The following GRIN2A variants were observed in gnomAD, a reference collection of about 807,000 sequenced individuals.
GRIN2A encodes the protein glutamate receptor ionotropic, NMDA 2A.
Under a neutral mutation model 113.4 loss-of-function variants are expected in GRIN2A, and 22 were observed. That is an observed-to-expected ratio of 0.19 (90% CI 0.14 to 0.28). The LOEUF (loss-of-function observed/expected upper bound fraction) is 0.28. GRIN2A is among the 10% of genes least tolerant of loss of function. GRIN2A has a pLI of 1.00. For synonymous variants in GRIN2A, 827 were observed against 738.4 expected (o/e 1.12, Z -1.94); for missense variants, 1,502 against 1,887.0 (o/e 0.80, Z 3.78).
chr16:10,092,845 G>C (rs1372715502), intron 2 of GRIN2A, among the ~76,000 whole-genome samples: 1 of 142,152 alleles, frequency 7.0e-6, no homozygotes, highest in African/African-American at 2.6e-5. Flanking sequence ...AAGGTAAAAG[G>C]CAGCATGAAA....
chr16:9,829,779 T>C (rs2042454994), intron 8 of GRIN2A, 127 bp from the exon 9 acceptor site: 1 of 707,358 alleles, frequency 1.4e-6, no homozygotes, highest in Non-Finnish European at 2.6e-6. Flanking sequence ...CATAGTTGTG[T>C]CCTGTGATTG....
At chr16:9,947,776 A>G (rs1012545824) in intron 2 of GRIN2A, among the ~76,000 whole-genome samples, 19 of 150,284 alleles carry the variant, frequency 1.3e-4, no homozygotes, top group Non-Finnish European at 2.5e-4. Flanking sequence ...CTGAGGCTCC[A>G]TTTTCTCATT....
intron 2 of GRIN2A, chr16:10,121,298 C>T (rs1415728235): frequency 6.6e-6 from 1 of 152,250 alleles, no homozygotes; most frequent in African/African-American, 2.4e-5. Flanking sequence ...TGGCTCACAC[C>T]CCTGGAAACA....
intron 4 of GRIN2A, among the ~76,000 whole-genome samples, chr16:9,877,093 A>C (rs1455406543): frequency 6.6e-6 from 1 of 152,222 alleles, no homozygotes; most frequent in African/African-American, 2.4e-5. Flanking sequence ...TTGGAGACTC[A>C]CAAGACCTAA....
At chr16:9,966,651 G>C (rs975767649) in intron 2 of GRIN2A, among the ~76,000 whole-genome samples, 1 of 152,184 alleles carries the variant, frequency 6.6e-6, no homozygotes, top group African/African-American at 2.4e-5. Flanking sequence ...AAACGGGATT[G>C]CTGGGTTGAA....
intron 2 of GRIN2A, among the ~76,000 whole-genome samples, chr16:10,048,271 G>A (rs2047293278): frequency 6.6e-6 from 1 of 152,126 alleles, no homozygotes; most frequent in East Asian, 1.9e-4. Flanking sequence ...AATCGTGATT[G>A]GCACTTAGTA....
chr16:10,118,422 A>G (rs1260863636), intron 2 of GRIN2A, among the ~76,000 whole-genome samples: 1 of 152,124 alleles, frequency 6.6e-6, no homozygotes, highest in Non-Finnish European at 1.5e-5. Context: ...TGCTGTGGGT[A>G]CAGCTCTACA....
intron 2 of GRIN2A, among the ~76,000 whole-genome samples, chr16:9,992,671 C>A (rs2141821247): frequency 6.6e-6 from 1 of 152,314 alleles, no homozygotes; most frequent in African/African-American, 2.4e-5. Context: ...CAGAGGCTCA[C>A]TTTGCATCAA....
intron 5 of GRIN2A, 26 bp downstream of exon 5, chr16:9,849,729 TC>T: frequency 6.4e-7 from 1 of 1,564,772 alleles, no homozygotes; most frequent in Non-Finnish European, 8.8e-7. Flanking sequence ...TTGGGCACGT[TC>T]AGGTGACAGC....
At position 10,054,235 on chromosome 16, in the gene GRIN2A, A is replaced by T. The variant is rs116389250; in HGVS notation, c.415-115684T>A. Among the ~76,000 whole-genome samples, 775 of 152,350 alleles carry T rather than the reference A, an allele frequency of 5.1e-3. 3 individuals are homozygous for T. Among genetic ancestry groups the T allele is most frequent in the African/African-American group, 0.017 (727 of 41,578 alleles). ...GGAAAAACATTAAATGAATCTTCTG[A>T]CATGACTGTTCAAGAAAAACAAACC... On this transcript the variant is annotated intron_variant, in intron 2 of 12. Coordinates refer to ENST00000330684, the MANE Select transcript of GRIN2A (RefSeq NM_001134407.3).
intron 2 of GRIN2A, among the ~76,000 whole-genome samples, chr16:9,979,935 ACT>A (rs1342045896): frequency 6.6e-6 from 1 of 150,586 alleles, no homozygotes; most frequent in Non-Finnish European, 1.5e-5. Flanking sequence ...GAAACTATAG[ACT>A]CTGGTGATAT....
intron 3 of GRIN2A, among the ~76,000 whole-genome samples, chr16:9,931,043 A>T (rs937783919): frequency 6.6e-6 from 1 of 152,166 alleles, no homozygotes; most frequent in African/African-American, 2.4e-5. Flanking sequence ...ATGAAGGCCA[A>T]ATAACTTCCC....
intron 2 of GRIN2A, among the ~76,000 whole-genome samples, chr16:10,035,369 C>T (rs1037226960): frequency 2.0e-5 from 3 of 152,068 alleles, no homozygotes; most frequent in East Asian, 1.9e-4. Context: ...TTTCTCTCAC[C>T]CTCCTCTCCA....
intron 2 of GRIN2A, among the ~76,000 whole-genome samples, chr16:10,004,172 C>T (rs1484488419): frequency 1.3e-5 from 2 of 151,904 alleles, no homozygotes; most frequent in Non-Finnish European, 1.5e-5. Context: ...GGGCACATCA[C>T]GAAGTCAGGA....
At chr16:9,907,485 C>T (rs1372336143) in intron 3 of GRIN2A, among the ~76,000 whole-genome samples, 1 of 151,978 alleles carries the variant, frequency 6.6e-6, no homozygotes, top group Non-Finnish European at 1.5e-5. Flanking sequence ...TGTAAGTAGA[C>T]ATGTAAGGGA....
intron 2 of GRIN2A, among the ~76,000 whole-genome samples, chr16:10,159,193 A>G (rs959000503): frequency 4.6e-5 from 7 of 152,262 alleles, no homozygotes; most frequent in East Asian, 3.9e-4. Flanking sequence ...CCTGCACATC[A>G]GGGAGCTCAA....
At chr16:9,937,848 T>A (rs2044749294) in intron 3 of GRIN2A, 111 bp downstream of exon 3, 3 of 778,862 alleles carry the variant, frequency 3.9e-6, no homozygotes, top group East Asian at 2.7e-5. Context: ...AGTAAACACA[T>A]AACATTCTGC....
At chr16:10,034,332 T>C (rs11648073) in intron 2 of GRIN2A, among the ~76,000 whole-genome samples, 32,175 of 151,462 alleles carry the variant, frequency 0.21, 4,123 homozygotes, top group East Asian at 0.52. Flanking sequence ...CGAGACCATC[T>C]TGGCCAATAT....
intron 2 of GRIN2A, among the ~76,000 whole-genome samples, chr16:9,939,742 A>G (rs2044816031): frequency 6.6e-6 from 1 of 152,106 alleles, no homozygotes; most frequent in South Asian, 2.1e-4. Context: ...ACTCAATCAC[A>G]GTCTTCCTGG....
Sources: gnomAD v4.1 joint callset for allele counts (sites outside exome capture counted in the v4.1 genomes callset) on GRCh38, gnomAD v4.1.1 for gene constraint, MANE v1.5 for transcripts, NCBI Gene and HGNC (gene_info 2026-07-23, HGNC 2026-07-21) for gene names.